Variants in SLCO4C1 observed in about 807,000 individuals in gnomAD.
The protein encoded by SLCO4C1 is organic anion transporter M1.
SLCO4C1 carries 58 observed loss-of-function variants against 72.1 expected under a neutral mutation model. The observed-to-expected ratio is 0.80, with a 90% CI of 0.65 to 1.00. The LOEUF is 1.00. SLCO4C1 is among the 50% of genes least tolerant of loss of function. The pLI is 0.00. For missense variants in SLCO4C1, 898 were observed against 857.9 expected (o/e 1.05, Z -0.58); for synonymous variants, 297 against 312.5 (o/e 0.95, Z 0.52).
chr5:102,287,818 T>C (rs932807092), intron 2 of SLCO4C1, among the ~76,000 whole-genome samples: 3 of 152,108 alleles, frequency 2.0e-5, no homozygotes, highest in Non-Finnish European at 2.9e-5. Context: ...CCTCCAAAAG[T>C]GCTGGGATTA....
chr5:102,274,215 A>G (rs1158866520), intron 2 of SLCO4C1, among the ~76,000 whole-genome samples: 4 of 152,054 alleles, frequency 2.6e-5, no homozygotes, highest in African/African-American at 9.7e-5. Flanking sequence ...TGGATACTGT[A>G]ATTTCAACAT....
chr5:102,243,363 C>T (rs539601514), intron 10 of SLCO4C1, among the ~76,000 whole-genome samples: 13 of 152,272 alleles, frequency 8.5e-5, no homozygotes, highest in African/African-American at 2.9e-4. Context: ...AACTAGTAAC[C>T]ATGGAGTAGT....
intron 1 of SLCO4C1, among the ~76,000 whole-genome samples, chr5:102,293,535 G>C (rs923818719): frequency 6.6e-6 from 1 of 152,156 alleles, no homozygotes; most frequent in African/African-American, 2.4e-5. Context: ...AGTACTTAGA[G>C]AATCCCTGTT....
At position 102,257,104 on chromosome 5, in the gene SLCO4C1, A is replaced by C. The variant is rs779261504; in HGVS notation, c.1469+11T>G. ...TGGTATTAATATCAAAAAGCACTGAATTGTATTTACCCATTATATGATTCA... is the reference window on the plus strand; with the variant it reads ...TGGTATTAATATCAAAAAGCACTGACTTGTATTTACCCATTATATGATTCA... On this transcript the variant is annotated intron_variant, in intron 8 of 12. Coordinates refer to ENST00000310954, the MANE Select transcript of SLCO4C1 (RefSeq NM_180991.5). 11 of 1,508,084 alleles carry C rather than the reference A, an allele frequency of 7.3e-6. No individual in the cohort carries two copies. Among genetic ancestry groups the C allele is most frequent in the Non-Finnish European group, 9.8e-6 (11 of 1,127,428 alleles). The allele number at this position is 1,508,084 out of a possible 1,614,324, so 93.4% of individuals were successfully genotyped here. A position where few individuals can be genotyped will look rare whatever the true frequency, so the allele number is the denominator to read the frequency against.
intron 8 of SLCO4C1, among the ~76,000 whole-genome samples, chr5:102,255,098 C>A (rs1160540856): frequency 1.3e-5 from 2 of 152,096 alleles, no homozygotes; most frequent in African/African-American, 2.4e-5. Flanking sequence ...TATATACACA[C>A]ACATACATAA....
chr5:102,257,441 C>G (rs369460426), intron 7 of SLCO4C1, 131 bp from the exon 8 acceptor site: 5 of 645,500 alleles, frequency 7.7e-6, no homozygotes, highest in South Asian at 6.6e-5. Flanking sequence ...TATAGAAATA[C>G]ATGTACAAAT....
intron 3 of SLCO4C1, among the ~76,000 whole-genome samples, chr5:102,265,929 C>T (rs916190054): frequency 7.9e-5 from 12 of 152,088 alleles, no homozygotes; most frequent in Non-Finnish European, 1.5e-4. Flanking sequence ...ACAATATTCA[C>T]TCTTTGAATC....
intron 12 of SLCO4C1, among the ~76,000 whole-genome samples, chr5:102,239,038 T>G (rs1748488360): frequency 6.6e-6 from 1 of 152,132 alleles, no homozygotes. Context: ...TTTATTTTCT[T>G]GTATTTAGTA....
At position 102,236,830 on chromosome 5, in the gene SLCO4C1, G is replaced by A. The variant is rs536845696; in HGVS notation, c.*28C>T. ...TTAAAAATCGAGGTAAATTTTCCAGGTGTAAAACAGTCTTCTCTTTTCCCA... is the reference window on the plus strand; with the variant it reads ...TTAAAAATCGAGGTAAATTTTCCAGATGTAAAACAGTCTTCTCTTTTCCCA... On this transcript the variant is annotated 3_prime_UTR_variant, in exon 13 of 13. Coordinates refer to ENST00000310954, the MANE Select transcript of SLCO4C1 (RefSeq NM_180991.5). 2 of 1,605,342 alleles carry A rather than the reference G, an allele frequency of 1.2e-6. No individual in the cohort carries two copies. The highest frequency in any genetic ancestry group is 2.2e-5 in the East Asian group (1 of 44,514).
intron 2 of SLCO4C1, among the ~76,000 whole-genome samples, chr5:102,271,912 G>GAAGAA (rs1749159964): frequency 6.6e-6 from 1 of 152,112 alleles, no homozygotes; most frequent in African/African-American, 2.4e-5. Context: ...AAAGGCCTCA[G>GAAGAA]AAGAAAAGTA....
chr5:102,287,696 C>T (rs913274526), intron 2 of SLCO4C1, among the ~76,000 whole-genome samples: 1 of 151,872 alleles, frequency 6.6e-6, no homozygotes, highest in Admixed American at 6.6e-5. Context: ...AGGCATATGC[C>T]ACCACACATG....
At chr5:102,273,473 G>A (rs780611348) in intron 2 of SLCO4C1, among the ~76,000 whole-genome samples, 1 of 151,890 alleles carries the variant, frequency 6.6e-6, no homozygotes, top group Non-Finnish European at 1.5e-5. Context: ...TTATGCAGAA[G>A]GAAATAAAAA....
At chr5:102,272,620 C>G (rs916588977) in intron 2 of SLCO4C1, among the ~76,000 whole-genome samples, 1 of 152,096 alleles carries the variant, frequency 6.6e-6, no homozygotes, top group African/African-American at 2.4e-5. Flanking sequence ...ACAATTGCCT[C>G]TTAAAATCCA....
At position 102,296,036 on chromosome 5, in the gene SLCO4C1, C is replaced by T. The variant is rs777754809; in HGVS notation, c.227G>A (p.Arg76Gln). ...CTCAAACTCGGACAGCGACAGTGAC[C>T]GGAGCTTCTCTTCGGAGACATTGGG... ...APPNVSEEKLRSLSLSEFEEG... is the reference protein window; with the variant it reads ...APPNVSEEKLQSLSLSEFEEG... The change falls in exon 1 of 13, where the codon CGG becomes CAG. Residue 76 changes from arginine to glutamine, a missense_variant. Arg to Gln is a conservative substitution (Grantham distance 43, BLOSUM62 1). Transcript: ENST00000310954. 1 of 1,614,204 alleles carries T rather than the reference C, an allele frequency of 6.2e-7. No homozygotes were observed. Among genetic ancestry groups the T allele is most frequent in the Admixed American group, 1.7e-5 (1 of 60,036 alleles).
rs923672586 is a variant in SLCO4C1, at chr5:102,236,700, C to G, written c.*158G>C. On this transcript the variant is annotated 3_prime_UTR_variant, in exon 13 of 13. Coordinates refer to ENST00000310954, the MANE Select transcript of SLCO4C1 (RefSeq NM_180991.5). ...GCACAGGTCTGTTTCTTGCATAAAA[C>G]AAAAACTACATAAGTAAAAAAATAC... 1.2e-6 allele frequency: 1 copy of G among 824,878 alleles called. No homozygotes were observed. The highest frequency in any genetic ancestry group is 1.8e-6 in the Non-Finnish European group (1 of 558,314). The allele number at this position is 824,878 out of a possible 1,614,324, so 51.1% of individuals were successfully genotyped here.
Position 102,249,785 on chromosome 5 carries a change from A to C in SLCO4C1, c.1473T>G (p.Thr491=). 1.2e-6 allele frequency: 2 copies of C among 1,609,934 alleles called. No individual in the cohort carries two copies. Among genetic ancestry groups the C allele is most frequent in the South Asian group, 2.2e-5 (2 of 90,068 alleles). The change falls in exon 9 of 13, where the codon ACT becomes ACG. Residue 491 remains threonine, a synonymous_variant. Transcript: ENST00000310954. ...FAGVSESYNG[T]GELGNLIAPC... ...GGGCTATCAAGTTTCCCAATTCTCCAGTCCTGTAAATAAGAAATGAAAGAA... is the reference window on the plus strand; with the variant it reads ...GGGCTATCAAGTTTCCCAATTCTCCCGTCCTGTAAATAAGAAATGAAAGAA...
In SLCO4C1 at chr5:102,257,120, AT is replaced by A; in HGVS notation, c.1463del (p.Tyr488LeufsTer10). On this transcript the variant is annotated frameshift_variant, in exon 8 of 13. Coordinates refer to ENST00000310954, the MANE Select transcript of SLCO4C1 (RefSeq NM_180991.5). LOFTEE classifies it high-confidence loss of function. Reference sequence around the variant, plus strand: ...AAGCACTGAATTGTATTTACCCATTATATGATTCAGATACACCAGCAAATGG... The same window carrying A: ...AAGCACTGAATTGTATTTACCCATTAATGATTCAGATACACCAGCAAATGG... ...NEPFAGVSES[Y>X]NGTGELGNLI... 6.3e-7 allele frequency: 1 copy of A among 1,575,670 alleles called. No homozygotes were observed. Among genetic ancestry groups the A allele is most frequent in the Non-Finnish European group, 8.6e-7 (1 of 1,164,554 alleles).
intron 12 of SLCO4C1, among the ~76,000 whole-genome samples, chr5:102,237,348 A>G (rs530747748): frequency 6.6e-6 from 1 of 152,244 alleles, no homozygotes; most frequent in South Asian, 2.1e-4. Context: ...CAAGCCCATA[A>G]TCCCAGTACT....
At chr5:102,249,320 T>C (rs1748693941) in intron 9 of SLCO4C1, among the ~76,000 whole-genome samples, 1 of 152,136 alleles carries the variant, frequency 6.6e-6, no homozygotes, top group African/African-American at 2.4e-5. Flanking sequence ...TATTTGGGTA[T>C]ATGCAGGGGT....
Sources: gnomAD v4.1 joint callset for allele counts (sites outside exome capture counted in the v4.1 genomes callset) on GRCh38, gnomAD v4.1.1 for gene constraint, MANE v1.5 for transcripts, NCBI Gene and HGNC (gene_info 2026-07-23, HGNC 2026-07-21) for gene names.